MAMLD1: variants seen among roughly 807,000 people sequenced by gnomAD.
MAMLD1 encodes the protein mastermind like domain containing 1.
Under a neutral mutation model 45.0 loss-of-function variants are expected in MAMLD1, and 14 were observed. The ratio of observed to expected loss-of-function variants is 0.31; its 90% confidence interval spans 0.21 to 0.49. The LOEUF (loss-of-function observed/expected upper bound fraction) is 0.49, where lower values mean the gene tolerates loss of function less well. MAMLD1 is among the 20% of genes least tolerant of loss of function. MAMLD1 has a pLI of 0.99. For synonymous variants in MAMLD1, 254 were observed against 247.8 expected, an observed-to-expected ratio of 1.02 and a Z score of -0.24; for missense variants, 543 against 603.6, an observed-to-expected ratio of 0.90 and a Z score of 1.05.
At chrX:150,368,407 G>GT (rs1166471642) in intron 1 of MAMLD1, among the ~76,000 whole-genome samples, 1,063 of 101,928 alleles carry the variant, frequency 0.01, 4 homozygotes, top group Non-Finnish European at 0.015. Context: ...TGATGGGGTT[G>GT]TTTTTTTTTT....
intron 5 of MAMLD1, among the ~76,000 whole-genome samples, chrX:150,489,797 G>A (rs2037122905): frequency 9.1e-6 from 1 of 110,493 alleles, no homozygotes. Context: ...AGACATTCAA[G>A]GAATGTACTG....
chrX:150,421,807 C>A (rs2034526219), intron 1 of MAMLD1, among the ~76,000 whole-genome samples: 1 of 112,241 alleles, frequency 8.9e-6, no homozygotes, highest in Admixed American at 9.4e-5. Flanking sequence ...TGCTTGAAAT[C>A]TGGGGGAAGA....
chrX:150,366,272 T>C (rs1268902144), intron 1 of MAMLD1, among the ~76,000 whole-genome samples: 1 of 111,967 alleles, frequency 8.9e-6, no homozygotes, highest in African/African-American at 3.3e-5. Context: ...TGGAGGTTAT[T>C]GATAAGTGCT....
At chrX:150,457,980 G>A (rs1200702162) in intron 2 of MAMLD1, among the ~76,000 whole-genome samples, 1 of 111,543 alleles carries the variant, frequency 9.0e-6, no homozygotes, top group Non-Finnish European at 1.9e-5. Context: ...CCTAGACCAT[G>A]GGAAGAGTCT....
chrX:150,468,978 A>AGTGT (rs67617988), intron 3 of MAMLD1, among the ~76,000 whole-genome samples: 42,126 of 100,206 alleles, frequency 0.42, 7,252 homozygotes, highest in Middle Eastern at 0.55. Context: ...AATGTGTGAG[A>AGTGT]GTGTGTGTGT....
chrX:150,370,753 C>G (rs1279326726), intron 1 of MAMLD1, among the ~76,000 whole-genome samples: 1 of 111,518 alleles, frequency 9.0e-6, no homozygotes, highest in Non-Finnish European at 1.9e-5. Flanking sequence ...TCCTTCAAAC[C>G]TCGAGTTTTC....
intron 2 of MAMLD1, among the ~76,000 whole-genome samples, chrX:150,447,788 C>T (rs2035539223): frequency 1.8e-5 from 2 of 111,299 alleles, no homozygotes; most frequent in African/African-American, 6.5e-5. Context: ...GTTTGCTCTC[C>T]TTCTGACACT....
chrX:150,483,509 T>C (rs1557407439), intron 5 of MAMLD1, among the ~76,000 whole-genome samples: 1 of 112,770 alleles, frequency 8.9e-6, no homozygotes, highest in Non-Finnish European at 1.9e-5. Flanking sequence ...AGAGGAAGTA[T>C]TGATAGACAC....
intron 1 of MAMLD1, among the ~76,000 whole-genome samples, chrX:150,394,918 C>A (rs1440855926): frequency 9.0e-6 from 1 of 111,271 alleles, no homozygotes; most frequent in Non-Finnish European, 1.9e-5. Context: ...AATGGGTGTA[C>A]CTTTTGTTTC....
intron 2 of MAMLD1, among the ~76,000 whole-genome samples, chrX:150,455,648 A>C (rs2035831735): frequency 8.9e-6 from 1 of 111,835 alleles, no homozygotes; most frequent in African/African-American, 3.2e-5. Flanking sequence ...GCCCAAGGTG[A>C]CCACCAATTA....
At chrX:150,432,159 C>T (rs1602781715) in intron 1 of MAMLD1, among the ~76,000 whole-genome samples, 1 of 110,953 alleles carries the variant, frequency 9.0e-6, no homozygotes, top group African/African-American at 3.3e-5. Flanking sequence ...TATTGATTTG[C>T]ATTTCTCTAA....
At chrX:150,367,674 A>G (rs985508148) in intron 1 of MAMLD1, among the ~76,000 whole-genome samples, 3 of 111,212 alleles carry the variant, frequency 2.7e-5, no homozygotes, top group East Asian at 5.7e-4. Context: ...TCGTCATTTA[A>G]CATTAGGTAT....
chrX:150,423,348 CTGTG>C (rs1246327427), intron 1 of MAMLD1, among the ~76,000 whole-genome samples: 167 of 7,842 alleles, frequency 0.021, 1 homozygote, highest in African/African-American at 0.025. Context: ...ACATTATACT[CTGTG>C]TGTGTGTGTG....
At chrX:150,439,549 A>G (rs1158781014) in intron 1 of MAMLD1, among the ~76,000 whole-genome samples, 1 of 111,727 alleles carries the variant, frequency 9.0e-6, no homozygotes, top group Non-Finnish European at 1.9e-5. Flanking sequence ...CTCTGTGGAT[A>G]TCCAGTTGTC....
chrX:150,433,893 T>C (rs906023727), intron 1 of MAMLD1, among the ~76,000 whole-genome samples: 1 of 111,657 alleles, frequency 9.0e-6, no homozygotes, highest in Admixed American at 9.6e-5. Flanking sequence ...CTCTGCCAGG[T>C]TTTGGTATCA....
chrX:150,481,967 A>AGAAAGAAAGAAG lies in MAMLD1; in HGVS notation c.2040+8176_2040+8177insGGAAAGAAAGAA, dbSNP rs2036797496. Among the ~76,000 whole-genome samples the AGAAAGAAAGAAG allele has an allele frequency of 8.3e-5, 3 of 36,065 alleles. No homozygotes were observed. In the East Asian group the frequency reaches 2.3e-3, roughly 28 times the overall value. The allele number at this position is 36,065 out of a possible 115,157, so 31.3% of individuals were successfully genotyped here. On this transcript the variant is annotated intron_variant, in intron 5 of 7. Coordinates refer to ENST00000370401, the MANE Select transcript of MAMLD1 (RefSeq NM_005491.5). ...GAAAAAAGAAAGAAAGAAAGAAAAA[A>AGAAAGAAAGAAG]GAAAGAAAGAAAGAAAGAAAGAAAG... is the stretch of plus-strand genomic sequence containing the variant.
At chrX:150,408,173 T>G (rs1033048977) in intron 1 of MAMLD1, among the ~76,000 whole-genome samples, 4 of 111,142 alleles carry the variant, frequency 3.6e-5, no homozygotes, top group African/African-American at 9.8e-5. Context: ...CAGAGCTTTT[T>G]TTTTTTCCTC....
chrX:150,482,789 C>A (rs1557407407), intron 5 of MAMLD1, among the ~76,000 whole-genome samples: 1 of 112,269 alleles, frequency 8.9e-6, no homozygotes. Flanking sequence ...AAATAACTTT[C>A]CTGGAAAATT....
rs372862985 is a variant in MAMLD1 at position 150,470,742 on chromosome X, G to T, written c.1169G>T (p.Ser390Ile). The T allele has an allele frequency of 9.1e-6, 11 of 1,210,421 alleles. No individual in the cohort carries two copies. Among genetic ancestry groups the T allele is most frequent in the Admixed American group, 8.7e-5 (4 of 45,904 alleles). Residue 390 changes from serine (S) to isoleucine (I), a missense_variant, in exon 4 of 8, where the codon AGC (serine) becomes ATC (isoleucine). Ser to Ile is a moderately radical substitution (Grantham distance 142). Coordinates refer to ENST00000370401, the MANE Select transcript of MAMLD1 (RefSeq NM_005491.5). ...LRGSPNALLSSMTSSSNAALG... is the reference protein window; with the variant it reads ...LRGSPNALLSIMTSSSNAALG... ...GGCTCTCCCAATGCCTTACTGTCAA[G>T]CATGACGTCCAGCAGCAATGCTGCC...
Sources: allele counts gnomAD v4.1 joint callset (sites outside exome capture counted in the v4.1 genomes callset), GRCh38; gene constraint gnomAD v4.1.1; transcripts MANE v1.5; gene names NCBI Gene and HGNC (gene_info 2026-07-23, HGNC 2026-07-21).